Variants in MYO10 observed in about 807,000 individuals in gnomAD.
The protein encoded by MYO10 is myosin X.
MYO10 carries 133 observed loss-of-function variants against 257.3 expected under a neutral mutation model. The ratio of observed to expected loss-of-function variants is 0.52; its 90% CI spans 0.45 to 0.60. MYO10 has a LOEUF of 0.60. MYO10 is among the 20% of genes least tolerant of loss of function. The probability of loss-of-function intolerance (pLI) is 0.00; values close to 1 mark genes in which losing one functional copy is unlikely to be tolerated. For synonymous variants in MYO10, 1,104 were observed against 1,028.6 expected (o/e 1.07, Z -1.40); for missense variants, 2,399 against 2,635.7 (o/e 0.91, Z 1.97).
chr5:16,679,532 T>G (rs1395118154), intron 33 of MYO10, among the ~76,000 whole-genome samples: 1 of 150,204 alleles, frequency 6.7e-6, no homozygotes, highest in Non-Finnish European at 1.5e-5. Flanking sequence ...GTGTTTTTTT[T>G]TTTTTTTTTT....
chr5:16,919,416 C>A (rs1195647781), intron 1 of MYO10, among the ~76,000 whole-genome samples: 1 of 152,074 alleles, frequency 6.6e-6, no homozygotes. Context: ...TCTACCAGAA[C>A]AACTGCCTTC....
intron 2 of MYO10, among the ~76,000 whole-genome samples, chr5:16,829,565 T>C (rs1303798627): frequency 6.6e-6 from 1 of 152,128 alleles, no homozygotes; most frequent in Non-Finnish European, 1.5e-5. Context: ...CACAACATCA[T>C]AAAGCTGCTG....
rs770387697 is a variant in MYO10 at position 16,699,435 on chromosome 5, C to A, written c.3556+15G>T. The A allele has an allele frequency of 4.3e-6, 7 of 1,612,340 alleles. No homozygotes were observed. In the Admixed American group the frequency reaches 1.0e-4, roughly 23 times the overall value. ...TCTCCCCCTAACCCAGACTCCATGG[C>A]GGCTGCAGTCATACCTTTCATGTAC... On this transcript the variant is annotated intron_variant, in intron 26 of 40. Coordinates refer to ENST00000513610, the MANE Select transcript of MYO10 (RefSeq NM_012334.3).
At chr5:16,828,025 T>C (rs1338924551) in intron 2 of MYO10, among the ~76,000 whole-genome samples, 1 of 152,166 alleles carries the variant, frequency 6.6e-6, no homozygotes, top group African/African-American at 2.4e-5. Flanking sequence ...AGATGGCCTT[T>C]TGAATTCCAG....
At chr5:16,682,812 C>G (rs1475941447) in intron 30 of MYO10, among the ~76,000 whole-genome samples, 1 of 151,988 alleles carries the variant, frequency 6.6e-6, no homozygotes, top group Non-Finnish European at 1.5e-5. Flanking sequence ...ATAAAAAAAG[C>G]CTTTTTCTAT....
At chr5:16,825,279 T>G (rs556300106) in intron 2 of MYO10, among the ~76,000 whole-genome samples, 2 of 152,314 alleles carry the variant, frequency 1.3e-5, no homozygotes, top group African/African-American at 2.4e-5. Context: ...ACTCTCTTCC[T>G]TATTCTATCA....
chr5:16,670,414 T>C (rs189833414), intron 39 of MYO10, 112 bp downstream of exon 39: 24 of 947,064 alleles, frequency 2.5e-5, no homozygotes, highest in South Asian at 2.5e-4. Flanking sequence ...ATAAAAGAGG[T>C]TGAGAGAGCA....
intron 1 of MYO10, among the ~76,000 whole-genome samples, chr5:16,897,320 G>A (rs2625170): frequency 0.28 from 39,458 of 138,860 alleles, 6,599 homozygotes; most frequent in Admixed American, 0.41. Context: ...AAAAAAAAAA[G>A]TCCTTTATCA....
chr5:16,771,891 CATTATT>C (rs1162586267), intron 9 of MYO10, among the ~76,000 whole-genome samples: 1 of 149,324 alleles, frequency 6.7e-6, no homozygotes, highest in East Asian at 2.0e-4. Context: ...AGGAACTTAT[CATTATT>C]ATTATTATTA....
chr5:16,726,015 C>G (rs1244612288), intron 19 of MYO10, among the ~76,000 whole-genome samples: 1 of 152,028 alleles, frequency 6.6e-6, no homozygotes, highest in Non-Finnish European at 1.5e-5. Flanking sequence ...AAACTTCTGA[C>G]CTCAAGGTGA....
intron 9 of MYO10, among the ~76,000 whole-genome samples, chr5:16,773,725 G>T (rs1256280481): frequency 6.7e-6 from 1 of 148,958 alleles, no homozygotes; most frequent in Admixed American, 6.7e-5. Flanking sequence ...AAAAAATATT[G>T]ACACATATCC....
At position 16,680,057 on chromosome 5, in the gene MYO10, A is replaced by AGAGCCGGTAACAGTGCTT. The variant is rs1367678558; in HGVS notation, c.4414_4431dup (p.Lys1472_Leu1477dup). On this transcript the variant is annotated inframe_insertion, in exon 33 of 41. Transcript: ENST00000513610. ...GTGGCCTCGTTGAGCAGCTTGGTGTAGAGCCGGTAACAGTGCTTGCGCCCG... is the reference window on the plus strand; with the variant it reads ...GTGGCCTCGTTGAGCAGCTTGGTGTAGAGCCGGTAACAGTGCTTGAGCCGGTAACAGTGCTTGCGCCCG... 47 of 1,613,840 alleles carry AGAGCCGGTAACAGTGCTT rather than the reference A, an allele frequency of 2.9e-5. No homozygotes were observed. Among genetic ancestry groups the AGAGCCGGTAACAGTGCTT allele is most frequent in the Non-Finnish European group, 3.8e-5 (45 of 1,179,866 alleles).
At position 16,717,085 on chromosome 5, in the gene MYO10, C is replaced by T. The variant is rs376894103; in HGVS notation, c.1930-5840G>A. 2.2e-4 allele frequency among the ~76,000 whole-genome samples: 33 copies of T among 152,300 alleles called. No individual in the cohort carries two copies. In the South Asian group the frequency reaches 6.6e-3, roughly 31 times the overall value. On this transcript the variant is annotated intron_variant, in intron 19 of 40. Coordinates refer to ENST00000513610, the MANE Select transcript of MYO10 (RefSeq NM_012334.3). ...CTCCTGACCTCAGGTGATCCACCCA[C>T]CTCACCCTTCCAAAATGCTGGGATT...
chr5:16,730,366 G>A (rs1739534274), intron 19 of MYO10, among the ~76,000 whole-genome samples: 1 of 152,212 alleles, frequency 6.6e-6, no homozygotes, highest in Non-Finnish European at 1.5e-5. Flanking sequence ...TGACATACCG[G>A]TACAGTCTGT....
chr5:16,796,474 A>AAAG (rs1276170429), intron 3 of MYO10, among the ~76,000 whole-genome samples: 57,524 of 129,600 alleles, frequency 0.44, 12,901 homozygotes, highest in Non-Finnish European at 0.49. Flanking sequence ...GAAAGAAAAG[A>AAAG]AAAGAAAAGA....
chr5:16,822,693 T>A (rs832423), intron 2 of MYO10, among the ~76,000 whole-genome samples: 1,018 of 65,692 alleles, frequency 0.015, 12 homozygotes, highest in African/African-American at 0.061. Context: ...TATTTTTATT[T>A]TTTTTTTTTT....
At chr5:16,782,340 T>A (rs1741448545) in intron 5 of MYO10, among the ~76,000 whole-genome samples, 1 of 152,150 alleles carries the variant, frequency 6.6e-6, no homozygotes, top group African/African-American at 2.4e-5. Flanking sequence ...GACCACGGGA[T>A]CTCGGTTGCA....
At chr5:16,874,003 T>C (rs1011749349) in intron 2 of MYO10, among the ~76,000 whole-genome samples, 1 of 152,204 alleles carries the variant, frequency 6.6e-6, no homozygotes, top group Non-Finnish European at 1.5e-5. Flanking sequence ...TTGCTACTTA[T>C]GCAAATTTCT....
At chr5:16,934,443 G>A (rs897498026) in intron 1 of MYO10, among the ~76,000 whole-genome samples, 1 of 152,232 alleles carries the variant, frequency 6.6e-6, no homozygotes, top group South Asian at 2.1e-4. Context: ...ATTAAACACC[G>A]GAACTCACTG....
Sources: allele counts gnomAD v4.1 joint callset (sites outside exome capture counted in the v4.1 genomes callset), GRCh38; gene constraint gnomAD v4.1.1; transcripts MANE v1.5; gene names NCBI Gene and HGNC (gene_info 2026-07-23, HGNC 2026-07-21).